The following PRELID2 variants were observed in gnomAD, a reference collection of about 807,000 sequenced individuals.
PRELID2 encodes the protein PRELI domain containing 2.
Under a neutral mutation model 28.4 loss-of-function variants are expected in PRELID2, and 25 were observed. The ratio of observed to expected loss-of-function variants is 0.88; its 90% CI spans 0.64 to 1.23. PRELID2 has a LOEUF of 1.23. Ranked by LOEUF, PRELID2 falls within the 50% of genes most tolerant of loss-of-function variation. The pLI is 0.00. For synonymous variants in PRELID2, 76 were observed against 71.6 expected (o/e 1.06, Z -0.31); for missense variants, 201 against 214.4 (o/e 0.94, Z 0.39).
At position 145,740,271 on chromosome 5, in the gene PRELID2, T is replaced by C. The variant is rs1478836501; in HGVS notation, n.70+24660A>G. ...ATAATGACAGGATTTATCAAATATA[T>C]ATATATATATATATATATATATATA... On this transcript the variant is annotated intron_variant and non_coding_transcript_variant, in intron 1 of 2. Coordinates refer to the PRELID2 transcript ENST00000510259. Among the ~76,000 whole-genome samples the C allele has an allele frequency of 2.5e-4, 3 of 11,782 alleles. No individual in the cohort carries two copies. In the African/African-American group the frequency reaches 2.7e-3, roughly 11 times the overall value. The allele number at this position is 11,782 out of a possible 152,430, so 7.7% of individuals were successfully genotyped here.
chr5:145,604,873 CTTG>C lies in PRELID2; in HGVS notation n.71-131561_71-131559del, dbSNP rs1357379503. Among the ~76,000 whole-genome samples, 5 of 93,410 alleles carry C rather than the reference CTTG, an allele frequency of 5.4e-5. 1 individual carries two copies. The highest frequency in any genetic ancestry group is 2.3e-4 in the African/African-American group (4 of 17,650). The allele number at this position is 93,410 out of a possible 152,430, so 61.3% of individuals were successfully genotyped here. ...GCGATGTTGACCATATTTTAATATG[CTTG>C]TTGGCCATATATATATATATATATA... is the stretch of plus-strand genomic sequence containing the variant. On this transcript the variant is annotated intron_variant and non_coding_transcript_variant, in intron 1 of 2. Transcript: ENST00000510259.
intron 1 of PRELID2, among the ~76,000 whole-genome samples, chr5:145,589,646 A>ATTT (rs2149630073): frequency 6.6e-6 from 1 of 152,186 alleles, no homozygotes; most frequent in East Asian, 1.9e-4. Context: ...TTGTAGCCTC[A>ATTT]GTGCTTTTCT....
At chr5:145,270,741 A>C in the PRELID2 span, among the ~76,000 whole-genome samples, 2 of 152,122 alleles carry the variant, frequency 1.3e-5, no homozygotes, top group Non-Finnish European at 2.9e-5. Context: ...ACTTAATAGG[A>C]ATGTGTTATG....
chr5:145,245,460 T>C, the PRELID2 span, among the ~76,000 whole-genome samples: 2 of 151,402 alleles, frequency 1.3e-5, no homozygotes, highest in Non-Finnish European at 2.9e-5. Flanking sequence ...CAAAAAACAT[T>C]ACACTTGGTT....
At chr5:145,343,125 A>G in the PRELID2 span, among the ~76,000 whole-genome samples, 1 of 151,966 alleles carries the variant, frequency 6.6e-6, no homozygotes, top group Non-Finnish European at 1.5e-5. Flanking sequence ...GACAAAAAAA[A>G]ATTAACAAAG....
intron 1 of PRELID2, among the ~76,000 whole-genome samples, chr5:145,563,393 A>C: frequency 6.6e-6 from 1 of 152,166 alleles, no homozygotes; most frequent in East Asian, 1.9e-4. Flanking sequence ...CTGCCCTTGG[A>C]TTGTTCGGAT....
At chr5:145,282,529 T>C in the PRELID2 span, among the ~76,000 whole-genome samples, 2 of 151,930 alleles carry the variant, frequency 1.3e-5, no homozygotes, top group African/African-American at 4.8e-5. Flanking sequence ...TTTTTTTTTT[T>C]TCTTTTTTGA....
the PRELID2 span, among the ~76,000 whole-genome samples, chr5:145,336,729 T>C: frequency 1.3e-5 from 2 of 152,044 alleles, no homozygotes; most frequent in African/African-American, 4.8e-5. Flanking sequence ...CCAACAATGA[T>C]AGACTGGATT....
chr5:145,691,502 G>A (rs940435468), intron 1 of PRELID2, among the ~76,000 whole-genome samples: 34 of 152,014 alleles, frequency 2.2e-4, no homozygotes, highest in African/African-American at 8.2e-4. Flanking sequence ...TCAGGAGATC[G>A]AGACCATCCT....
chr5:145,273,241 G>T, the PRELID2 span, among the ~76,000 whole-genome samples: 1 of 152,200 alleles, frequency 6.6e-6, no homozygotes, highest in South Asian at 2.1e-4. Context: ...TATAAGAAGT[G>T]GCCAGTATTA....
the PRELID2 span, among the ~76,000 whole-genome samples, chr5:145,263,978 C>T: frequency 1.3e-5 from 2 of 152,084 alleles, no homozygotes; most frequent in African/African-American, 4.8e-5. Context: ...ACAACCTCCA[C>T]CTCCCAGGTT....
At chr5:145,329,710 A>G in the PRELID2 span, among the ~76,000 whole-genome samples, 1 of 152,198 alleles carries the variant, frequency 6.6e-6, no homozygotes, top group Non-Finnish European at 1.5e-5. Flanking sequence ...TAAATATACA[A>G]TCATGTCATC....
chr5:145,410,473 A>T, the PRELID2 span, among the ~76,000 whole-genome samples: 5 of 152,196 alleles, frequency 3.3e-5, no homozygotes, highest in African/African-American at 1.2e-4. Context: ...ATTTATTTAA[A>T]AAAACGTTTA....
At chr5:145,505,681 C>T (rs974265600) in intron 1 of PRELID2, among the ~76,000 whole-genome samples, 3 of 152,108 alleles carry the variant, frequency 2.0e-5, no homozygotes, top group African/African-American at 4.8e-5. Context: ...ATCAGGATCT[C>T]GAAGAGATAT....
rs144573893 is a variant in PRELID2 at position 145,825,967 on chromosome 5, C to T, written c.76-2833G>A. The T allele has an allele frequency of 2.5e-5, 24 of 942,422 alleles. No individual in the cohort carries two copies. In the African/African-American group the frequency reaches 4.1e-4, roughly 16 times the overall value. 58.4% of individuals were successfully genotyped at this position (942,422 alleles called of 1,614,324 possible). ...TGAGAAAAAGTTGAAAGAGGGAAGGCTTCTCAGAGGTCAATACCAGGAACA... is the reference window on the plus strand; with the variant it reads ...TGAGAAAAAGTTGAAAGAGGGAAGGTTTCTCAGAGGTCAATACCAGGAACA... On this transcript the variant is annotated intron_variant, in intron 1 of 6. Transcript: ENST00000683046.
At chr5:145,644,839 T>C (rs1314992785) in intron 1 of PRELID2, among the ~76,000 whole-genome samples, 2 of 152,230 alleles carry the variant, frequency 1.3e-5, no homozygotes, top group African/African-American at 4.8e-5. Flanking sequence ...GTGAGTTTCT[T>C]AATCCTGAGT....
intron 1 of PRELID2, among the ~76,000 whole-genome samples, chr5:145,652,585 G>A (rs1053855007): frequency 2.6e-5 from 4 of 152,160 alleles, no homozygotes; most frequent in Non-Finnish European, 5.9e-5. Flanking sequence ...AAGAGAGTGG[G>A]GGCCAATATT....
intron 1 of PRELID2, among the ~76,000 whole-genome samples, chr5:145,509,966 A>G (rs1752446845): frequency 6.6e-6 from 1 of 152,180 alleles, no homozygotes. Flanking sequence ...GTTGTTAAGT[A>G]ATTATATTAC....
the PRELID2 span, among the ~76,000 whole-genome samples, chr5:145,266,922 A>G: frequency 1.3e-5 from 2 of 152,214 alleles, no homozygotes; most frequent in African/African-American, 2.4e-5. Flanking sequence ...AAGTTAAGTA[A>G]CTCGGTAATG....
Sources: gnomAD v4.1 joint callset for allele counts (sites outside exome capture counted in the v4.1 genomes callset) on GRCh38, gnomAD v4.1.1 for gene constraint, MANE v1.5 for transcripts, NCBI Gene and HGNC (gene_info 2026-07-23, HGNC 2026-07-21) for gene names.